The following NTRK3 variants were observed in gnomAD, a reference collection of about 807,000 sequenced individuals.
NTRK3 encodes neurotrophic receptor tyrosine kinase 3.
Under a neutral mutation model 91.7 loss-of-function variants are expected in NTRK3, and 24 were observed. That is an observed-to-expected ratio of 0.26 (90% CI 0.19 to 0.37). The LOEUF (loss-of-function observed/expected upper bound fraction) is 0.37, where lower values mean the gene tolerates loss of function less well. NTRK3 is among the 10% of genes least tolerant of loss of function. NTRK3 has a pLI of 1.00. For synonymous variants in NTRK3, 483 were observed against 404.0 expected (o/e 1.20, Z -2.34); for missense variants, 880 against 1,068.9 (o/e 0.82, Z 2.46).
At position 88,211,050 on chromosome 15, in the gene NTRK3, C is replaced by T. The variant is rs145093035; in HGVS notation, c.249-26751G>A. On this transcript the variant is annotated intron_variant, in intron 3 of 18. Transcript: ENST00000394480. ...GCAAATTTACATAACATAAAATTAG[C>T]CATCTTAACATGTATAATTTAGTGG... 8.0e-3 allele frequency among the ~76,000 whole-genome samples: 1,225 copies of T among 152,218 alleles called. 44 individuals carry two copies. Among genetic ancestry groups the T allele is most frequent in the Admixed American group, 0.061 (929 of 15,286 alleles).
rs1167005882 is a variant in NTRK3 at position 88,241,671 on chromosome 15, C to T, written c.248+14235G>A. On this transcript the variant is annotated intron_variant, in intron 3 of 18. Coordinates refer to ENST00000394480, the Ensembl canonical transcript of NTRK3. This position sits in a 1 kb window ranked among gnomAD's most constrained non-coding sequence, Gnocchi z 4.3. ...GAAGCGGGGCTACCCTTCAATACCA[C>T]GTGGAGCTACTCTCTTCATCTGACC... Among the ~76,000 whole-genome samples the T allele has an allele frequency of 5.9e-5, 9 of 152,108 alleles. No individual in the cohort carries two copies. The highest frequency in any genetic ancestry group is 5.9e-4 in the Admixed American group (9 of 15,274).
At chr15:87,909,248 C>G (rs916568070) in intron 17 of NTRK3, among the ~76,000 whole-genome samples, 6 of 152,112 alleles carry the variant, frequency 3.9e-5, no homozygotes, top group Non-Finnish European at 8.8e-5. Context: ...TAAGCAAGGC[C>G]TTTCCCTTGA....
intron 5 of NTRK3, among the ~76,000 whole-genome samples, chr15:88,162,513 A>T (rs2044554424): frequency 6.6e-6 from 1 of 152,226 alleles, no homozygotes; most frequent in South Asian, 2.1e-4. Context: ...AAATCCTTGA[A>T]AGAAAACAGG....
At chr15:87,935,762 T>C (rs2069221688) in intron 15 of NTRK3, among the ~76,000 whole-genome samples, 1 of 152,176 alleles carries the variant, frequency 6.6e-6, no homozygotes, top group Admixed American at 6.5e-5. Context: ...GATATTTCTG[T>C]TCTCAGCTCT....
chr15:88,151,226 G>T (rs998653763), intron 5 of NTRK3, among the ~76,000 whole-genome samples: 1 of 152,046 alleles, frequency 6.6e-6, no homozygotes, highest in Non-Finnish European at 1.5e-5. Context: ...TCTATCTCTC[G>T]CCTGAGACTA....
intron 11 of NTRK3, 131 bp downstream of exon 11, chr15:88,128,580 G>A: frequency 1.0e-6 from 1 of 956,772 alleles, no homozygotes; most frequent in Non-Finnish European, 1.7e-6. Context: ...CCCTTTCACA[G>A]TTCACTCAGA....
intron 14 of NTRK3, among the ~76,000 whole-genome samples, chr15:87,946,486 A>C (rs752967702): frequency 6.6e-6 from 1 of 152,180 alleles, no homozygotes; most frequent in Non-Finnish European, 1.5e-5. Context: ...TGCTTTGGCT[A>C]ATTATTGTCT....
Position 88,173,745 on chromosome 15 carries a change from T to A in NTRK3, c.395+9673A>T, listed in dbSNP as rs184483898. Reference sequence around the variant, plus strand: ...TGCCTCCCTCTCTTCTCCAGCTGGGTTCCTGAATTGAAAACAGCCAAGGCT... The same window carrying A: ...TGCCTCCCTCTCTTCTCCAGCTGGGATCCTGAATTGAAAACAGCCAAGGCT... On this transcript the variant is annotated intron_variant, in intron 5 of 18. Coordinates refer to ENST00000394480, the Ensembl canonical transcript of NTRK3. 1.6e-3 allele frequency among the ~76,000 whole-genome samples: 237 copies of A among 152,292 alleles called. 3 individuals carry two copies. Among genetic ancestry groups the A allele is most frequent in the African/African-American group, 5.7e-3 (235 of 41,586 alleles).
At chr15:87,923,820 T>G (rs112112056) in intron 17 of NTRK3, among the ~76,000 whole-genome samples, 1,583 of 151,900 alleles carry the variant, frequency 0.01, 30 homozygotes, top group African/African-American at 0.036. Context: ...ATCATGAGAG[T>G]GGGTTTGTTA....
At chr15:88,227,990 A>C (rs1253754613) in intron 3 of NTRK3, among the ~76,000 whole-genome samples, 1 of 152,156 alleles carries the variant, frequency 6.6e-6, no homozygotes, top group African/African-American at 2.4e-5. Context: ...CTAGACACAT[A>C]ATTCACTAAC....
chr15:88,197,435 G>A (rs1266995558), intron 3 of NTRK3, among the ~76,000 whole-genome samples: 1 of 152,146 alleles, frequency 6.6e-6, no homozygotes, highest in Non-Finnish European at 1.5e-5. Flanking sequence ...CATCGATCAT[G>A]TCCCCTACAG....
At chr15:88,133,866 C>T (rs762111332) in intron 10 of NTRK3, among the ~76,000 whole-genome samples, 1 of 152,216 alleles carries the variant, frequency 6.6e-6, no homozygotes, top group East Asian at 1.9e-4. Flanking sequence ...ACGGCTCCAT[C>T]ATCCCTGGGA....
Position 88,237,869 on chromosome 15 carries a change from T to C in NTRK3, c.248+18037A>G, listed in dbSNP as rs2051943779. On this transcript the variant is annotated intron_variant, in intron 3 of 18. Transcript: ENST00000394480. This position sits in a 1 kb window ranked among gnomAD's most constrained non-coding sequence, Gnocchi z 4.0. Reference sequence around the variant, plus strand: ...TTTCATCAGGTATGCATTTTTTTGTTTTATGATTGTTATAATATTTTTGTG... The same window carrying C: ...TTTCATCAGGTATGCATTTTTTTGTCTTATGATTGTTATAATATTTTTGTG... Among the ~76,000 whole-genome samples the C allele has an allele frequency of 1.3e-5, 2 of 152,222 alleles. No homozygotes were observed. Among genetic ancestry groups the C allele is most frequent in the Admixed American group, 6.5e-5 (1 of 15,286 alleles).
chr15:88,199,142 G>A (rs1186792169), intron 3 of NTRK3, among the ~76,000 whole-genome samples: 4 of 152,164 alleles, frequency 2.6e-5, no homozygotes, highest in Non-Finnish European at 5.9e-5. Flanking sequence ...AGGCTGGAAT[G>A]GCTGGTAGAC....
chr15:88,095,695 A>T (rs1425127068), intron 13 of NTRK3, among the ~76,000 whole-genome samples: 1 of 152,254 alleles, frequency 6.6e-6, no homozygotes, highest in Non-Finnish European at 1.5e-5. Context: ...TTTGAGGAGT[A>T]CCTTTAGGTC....
Position 87,872,812 on chromosome 15 carries a change from G to A in NTRK3, c.*4123C>T, listed in dbSNP as rs1225897154. ...TCACTTCATCTCTTATTTTTAACAA[G>A]CAAGTACATATATATCAGGTGGGAC... On this transcript the variant is annotated 3_prime_UTR_variant, in exon 19 of 19. Coordinates refer to ENST00000394480, the Ensembl canonical transcript of NTRK3. 1.3e-5 allele frequency: 3 copies of A among 232,260 alleles called. No individual in the cohort carries two copies. In the East Asian group the frequency reaches 1.8e-4, roughly 14 times the overall value. The allele number at this position is 232,260 out of a possible 1,614,324, so 14.4% of individuals were successfully genotyped here. A position where few individuals can be genotyped will look rare whatever the true frequency, so the allele number is the denominator to read the frequency against.
At chr15:88,006,730 A>T (rs960153682) in intron 14 of NTRK3, among the ~76,000 whole-genome samples, 1 of 152,204 alleles carries the variant, frequency 6.6e-6, no homozygotes, top group African/African-American at 2.4e-5. Context: ...AGCACACAGG[A>T]GCACAACACA....
intron 17 of NTRK3, among the ~76,000 whole-genome samples, chr15:87,907,950 G>A (rs1567093995): frequency 6.6e-6 from 1 of 152,180 alleles, no homozygotes; most frequent in Non-Finnish European, 1.5e-5. Context: ...TGACCATCCT[G>A]AGCATCAGGT....
chr15:88,172,617 G>T (rs997227218), intron 5 of NTRK3, among the ~76,000 whole-genome samples: 3 of 152,212 alleles, frequency 2.0e-5, no homozygotes, highest in African/African-American at 7.2e-5. Flanking sequence ...AAATCAGAAA[G>T]AACAGTCTCC....
Sources: allele counts gnomAD v4.1 joint callset (sites outside exome capture counted in the v4.1 genomes callset), GRCh38; gene constraint gnomAD v4.1.1; non-coding constraint Gnocchi (gnomAD v3.1); transcripts MANE v1.5; gene names NCBI Gene and HGNC (gene_info 2026-07-23, HGNC 2026-07-21).